The following SESN1 variants were observed in gnomAD, a reference collection of about 807,000 sequenced individuals.
The protein encoded by SESN1 is sestrin-1.
A neutral mutation model predicts 59.3 loss-of-function variants in SESN1; 30 were observed. That is an observed-to-expected ratio of 0.51 (90% CI 0.38 to 0.69). The LOEUF (loss-of-function observed/expected upper bound fraction) is 0.69. SESN1 is among the 30% of genes least tolerant of loss of function. The pLI is 0.00. For missense variants in SESN1, 566 were observed against 673.0 expected, an observed-to-expected ratio of 0.84 and a Z score of 1.76; for synonymous variants, 197 against 219.9, an observed-to-expected ratio of 0.90 and a Z score of 0.92.
Position 109,055,555 on chromosome 6 carries a change from C to T in SESN1, c.279+38240G>A, listed in dbSNP as rs1379021501. Among the ~76,000 whole-genome samples, 6 of 149,256 alleles carry T rather than the reference C, an allele frequency of 4.0e-5. No homozygotes were observed. In the South Asian group the frequency reaches 6.4e-4, roughly 16 times the overall value. ...GCAGGCACCTGTAATCCCAGCTACT[C>T]GGGAGGCTGAGGCAGAGAACTGCTT... On this transcript the variant is annotated intron_variant, in intron 1 of 9. Transcript: ENST00000436639.
chr6:109,001,046 C>A (rs551522857), intron 3 of SESN1, among the ~76,000 whole-genome samples: 411 of 152,176 alleles, frequency 2.7e-3, no homozygotes, highest in Non-Finnish European at 4.5e-3. Context: ...AATAATGAAA[C>A]AGAACTTGTG....
intron 1 of SESN1, among the ~76,000 whole-genome samples, chr6:109,062,264 A>C (rs186775473): frequency 6.6e-6 from 1 of 152,346 alleles, no homozygotes. Context: ...TAGGTGAATA[A>C]GAGAGCAGAG....
chr6:109,077,666 G>T (rs1364491917), intron 1 of SESN1, among the ~76,000 whole-genome samples: 1 of 152,204 alleles, frequency 6.6e-6, no homozygotes, highest in Non-Finnish European at 1.5e-5. Context: ...AGAGCACTAA[G>T]GTGGCTGCAA....
chr6:109,034,633 G>A (rs1026568941), intron 1 of SESN1, among the ~76,000 whole-genome samples: 2 of 152,208 alleles, frequency 1.3e-5, no homozygotes, highest in African/African-American at 4.8e-5. Flanking sequence ...TTGAAGCTGG[G>A]TGTGACCAAG....
chr6:109,080,794 A>G (rs996981705), intron 1 of SESN1, among the ~76,000 whole-genome samples: 1 of 152,094 alleles, frequency 6.6e-6, no homozygotes, highest in African/African-American at 2.4e-5. Flanking sequence ...CCTAATCCAA[A>G]AATCCCAAAT....
intron 1 of SESN1, among the ~76,000 whole-genome samples, chr6:109,025,039 C>A (rs996547039): frequency 6.6e-6 from 1 of 152,006 alleles, no homozygotes; most frequent in African/African-American, 2.4e-5. Context: ...CCCCAGGGAC[C>A]TAGAGCAGCA....
At chr6:109,027,848 T>G (rs1780119625) in intron 1 of SESN1, among the ~76,000 whole-genome samples, 1 of 152,198 alleles carries the variant, frequency 6.6e-6, no homozygotes, top group Non-Finnish European at 1.5e-5. Context: ...AATGTGCTTA[T>G]TGGTCATTTA....
At chr6:109,093,124 A>G (rs1781357202) in intron 1 of SESN1, among the ~76,000 whole-genome samples, 1 of 152,214 alleles carries the variant, frequency 6.6e-6, no homozygotes, top group Non-Finnish European at 1.5e-5. Context: ...AGGAAAAACT[A>G]TAATATTTTT....
intron 3 of SESN1, 118 bp from the exon 4 acceptor site, chr6:109,000,791 T>C (rs952759053): frequency 7.3e-6 from 6 of 821,498 alleles, no homozygotes; most frequent in Non-Finnish European, 1.0e-5. Context: ...AAATTTTCCG[T>C]AAACTACAGA....
chr6:109,077,969 A>G (rs1218253687), intron 1 of SESN1, among the ~76,000 whole-genome samples: 1 of 152,174 alleles, frequency 6.6e-6, no homozygotes, highest in African/African-American at 2.4e-5. Context: ...ACCATTATTC[A>G]AAGAAAAATT....
At chr6:109,045,382 C>A (rs773827017) in intron 1 of SESN1, among the ~76,000 whole-genome samples, 1 of 152,176 alleles carries the variant, frequency 6.6e-6, no homozygotes, top group African/African-American at 2.4e-5. Context: ...TTCCAAAATG[C>A]AGATCTGATG....
At chr6:109,063,539 A>G (rs1780765388) in intron 1 of SESN1, among the ~76,000 whole-genome samples, 1 of 152,214 alleles carries the variant, frequency 6.6e-6, no homozygotes, top group South Asian at 2.1e-4. Context: ...ATCCCAACTG[A>G]GAACTCACTA....
At chr6:109,080,728 T>C (rs1396044736) in intron 1 of SESN1, among the ~76,000 whole-genome samples, 1 of 152,172 alleles carries the variant, frequency 6.6e-6, no homozygotes, top group East Asian at 1.9e-4. Flanking sequence ...GCACAGACTC[T>C]TGAGTCTCAC....
At position 109,033,116 on chromosome 6, in the gene SESN1, G is replaced by T. The variant is rs1268322897; in HGVS notation, c.280-30773C>A. Among the ~76,000 whole-genome samples, 4 of 152,188 alleles carry T rather than the reference G, an allele frequency of 2.6e-5. No individual in the cohort carries two copies. The South Asian group carries it at 8.3e-4, about 32-fold the overall frequency. Reference sequence around the variant, plus strand: ...GGATTATTAAAAATGTTGCAAGCAGGGAGATGAGGTGTTGAGGTGTGATTT... The same window carrying T: ...GGATTATTAAAAATGTTGCAAGCAGTGAGATGAGGTGTTGAGGTGTGATTT... On this transcript the variant is annotated intron_variant, in intron 1 of 9. Coordinates refer to ENST00000436639, the MANE Select transcript of SESN1 (RefSeq NM_014454.3).
chr6:108,991,990 A>G (rs1779395183), intron 7 of SESN1, among the ~76,000 whole-genome samples: 1 of 152,126 alleles, frequency 6.6e-6, no homozygotes, highest in African/African-American at 2.4e-5. Context: ...AATTCTTCAA[A>G]TCCTAATGTC....
At chr6:109,005,139 GTTTC>G (rs1415616744) in intron 1 of SESN1, among the ~76,000 whole-genome samples, 3 of 152,136 alleles carry the variant, frequency 2.0e-5, no homozygotes, top group African/African-American at 4.8e-5. Flanking sequence ...CTGCAACATT[GTTTC>G]TAATAGTACG....
chr6:109,028,273 G>T (rs1780126666), intron 1 of SESN1, among the ~76,000 whole-genome samples: 1 of 152,134 alleles, frequency 6.6e-6, no homozygotes, highest in East Asian at 1.9e-4. Flanking sequence ...TATGGGTGAA[G>T]GGCATTCACT....
At chr6:109,049,406 A>C (rs968273022) in intron 1 of SESN1, among the ~76,000 whole-genome samples, 1 of 152,128 alleles carries the variant, frequency 6.6e-6, no homozygotes, top group African/African-American at 2.4e-5. Flanking sequence ...GGGAATATGA[A>C]GAGATCTGCT....
At chr6:109,028,367 G>A (rs1167276869) in intron 1 of SESN1, among the ~76,000 whole-genome samples, 1 of 152,066 alleles carries the variant, frequency 6.6e-6, no homozygotes, top group African/African-American at 2.4e-5. Context: ...TTGGAGTAGG[G>A]GAAGAATGGG....
Sources: allele counts gnomAD v4.1 joint callset (sites outside exome capture counted in the v4.1 genomes callset), GRCh38; gene constraint gnomAD v4.1.1; transcripts MANE v1.5; gene names NCBI Gene and HGNC (gene_info 2026-07-23, HGNC 2026-07-21).